The following MANSC1 variants were observed in gnomAD, a reference collection of about 807,000 sequenced individuals.
The protein encoded by MANSC1 is MANSC domain-containing protein 1.
In MANSC1, 13 loss-of-function variants were observed where a neutral mutation model predicts 14.1. The observed-to-expected ratio is 0.92, with a 90% CI of 0.60 to 1.46. MANSC1 has a LOEUF of 1.46. MANSC1 is among the 40% of genes most tolerant of loss of function. The probability of loss-of-function intolerance (pLI) is 0.00; values close to 1 mark genes in which losing one functional copy is unlikely to be tolerated. For synonymous variants in MANSC1, 227 were observed against 200.7 expected, an observed-to-expected ratio of 1.13 and a Z score of -1.11; for missense variants, 486 against 511.4, an observed-to-expected ratio of 0.95 and a Z score of 0.48.
intron 1 of MANSC1, chr12:12,348,201 C>T (rs911060319): frequency 2.6e-5 from 4 of 152,178 alleles, no homozygotes; most frequent in African/African-American, 9.7e-5. Flanking sequence ...CAATTGTCCT[C>T]CTATGTATTC....
intron 1 of MANSC1, among the ~76,000 whole-genome samples, chr12:12,347,543 C>T (rs1309607339): frequency 6.6e-6 from 1 of 152,160 alleles, no homozygotes; most frequent in Non-Finnish European, 1.5e-5. Context: ...CCAAAATATA[C>T]AAAGAACTCA....
In MANSC1 at chr12:12,343,390, G is replaced by A. The variant is rs79371087; in HGVS notation, c.-76C>T. 550 of 953,486 alleles carry A rather than the reference G, an allele frequency of 5.8e-4. 2 individuals are homozygous for A. In the African/African-American group the frequency reaches 8.1e-3, roughly 14 times the overall value. 59.1% of individuals were successfully genotyped at this position (953,486 alleles called of 1,614,324 possible). ...TCTGGTCTTAGTTTGCTTTAAGAAG[G>A]CTGCACAGATGATGAGATTTCTCTC... is the stretch of plus-strand genomic sequence containing the variant. On this transcript the variant is annotated 5_prime_UTR_variant, in exon 2 of 4. Transcript: ENST00000535902.
chr12:12,335,656 C>T (rs966496433), intron 3 of MANSC1, among the ~76,000 whole-genome samples: 3 of 151,324 alleles, frequency 2.0e-5, no homozygotes, highest in Non-Finnish European at 4.4e-5. Context: ...CCAGCCTGGC[C>T]AACATGGCGA....
chr12:12,338,252 T>C (rs556984948), intron 3 of MANSC1, among the ~76,000 whole-genome samples, 168 bp downstream of exon 3: 35 of 152,348 alleles, frequency 2.3e-4, no homozygotes, highest in Non-Finnish European at 4.3e-4. Flanking sequence ...ATGGCTTTCA[T>C]TGGAAATCAA....
intron 1 of MANSC1, among the ~76,000 whole-genome samples, chr12:12,344,495 CAG>C (rs1862978694): frequency 6.8e-6 from 1 of 147,422 alleles, no homozygotes; most frequent in Non-Finnish European, 1.5e-5. Context: ...TTTTTTGAGA[CAG>C]AGTATTGCTG....
chr12:12,336,704 T>G (rs1352095859), intron 3 of MANSC1, among the ~76,000 whole-genome samples: 1 of 152,078 alleles, frequency 6.6e-6, no homozygotes. Context: ...TTTTTTTAAT[T>G]TTTTGTGGAT....
chr12:12,342,576 GTTTTTTTGTTTTT>G (rs1209719353), intron 2 of MANSC1, among the ~76,000 whole-genome samples: 13 of 103,996 alleles, frequency 1.3e-4, no homozygotes, highest in African/African-American at 4.6e-4. Context: ...AGTAGTCAGT[GTTTTTTTGTTTTT>G]TTTTTTTTTT....
intron 3 of MANSC1, among the ~76,000 whole-genome samples, chr12:12,331,789 C>T (rs897780828): frequency 1.3e-5 from 2 of 152,042 alleles, no homozygotes; most frequent in South Asian, 2.1e-4. Flanking sequence ...ACAGCAACAA[C>T]GACAACAAAA....
chr12:12,336,637 C>T (rs559949196), intron 3 of MANSC1, among the ~76,000 whole-genome samples: 2 of 152,174 alleles, frequency 1.3e-5, no homozygotes, highest in East Asian at 1.9e-4. Context: ...AGGAATTCTC[C>T]TGCCTTGGCC....
intron 3 of MANSC1, among the ~76,000 whole-genome samples, chr12:12,336,421 T>C (rs1187815314): frequency 6.6e-6 from 1 of 152,246 alleles, no homozygotes; most frequent in Non-Finnish European, 1.5e-5. Context: ...CCGTCCTGTC[T>C]CAATTCTGTG....
intron 2 of MANSC1, among the ~76,000 whole-genome samples, 194 bp downstream of exon 2, chr12:12,342,898 T>C (rs555841785): frequency 5.3e-5 from 8 of 152,168 alleles, no homozygotes; most frequent in Non-Finnish European, 1.0e-4. Flanking sequence ...GAGGGATATA[T>C]ACATACATTC....
At position 12,338,536 on chromosome 12, in the gene MANSC1, A is replaced by T. The variant is rs1375550800; in HGVS notation, c.248T>A (p.Ile83Asn). ...ISGDKACNLM[I>N]FDTRKTARQP... Reference sequence around the variant, plus strand: ...TCTAGCTGTTTTTCGAGTGTCGAAGATCATCAAGTTACATGCTTTGTCCCC... The same window carrying T: ...TCTAGCTGTTTTTCGAGTGTCGAAGTTCATCAAGTTACATGCTTTGTCCCC... The change falls in exon 3 of 4, where the codon ATC (isoleucine) becomes AAC (asparagine). Residue 83 changes from isoleucine (I) to asparagine (N), a missense_variant. Transcript: ENST00000535902. 10 of 1,613,094 alleles carry T rather than the reference A, an allele frequency of 6.2e-6. No homozygotes were observed. The highest frequency in any genetic ancestry group is 8.5e-6 in the Non-Finnish European group (10 of 1,179,848).
intron 2 of MANSC1, 168 bp from the exon 3 acceptor site, chr12:12,338,728 T>C: frequency 1.5e-6 from 1 of 651,738 alleles, no homozygotes; most frequent in South Asian, 2.1e-5. Flanking sequence ...CTTAGTTGCT[T>C]AAGGCAATTT....
chr12:12,343,775 G>A (rs923690888), intron 1 of MANSC1, among the ~76,000 whole-genome samples: 3 of 152,168 alleles, frequency 2.0e-5, no homozygotes, highest in African/African-American at 7.2e-5. Context: ...TAATAGGTTT[G>A]AGCATATTTC....
intron 3 of MANSC1, among the ~76,000 whole-genome samples, chr12:12,332,533 T>C (rs1344493344): frequency 6.6e-6 from 1 of 152,200 alleles, no homozygotes; most frequent in African/African-American, 2.4e-5. Flanking sequence ...AATTTTTATT[T>C]GTTTTGAGAC....
chr12:12,345,794 CAT>C (rs1468602461), intron 1 of MANSC1, among the ~76,000 whole-genome samples: 1 of 152,196 alleles, frequency 6.6e-6, no homozygotes, highest in East Asian at 1.9e-4. Flanking sequence ...TTTTGTGAGA[CAT>C]ATTTAAAAAT....
At chr12:12,341,525 A>G (rs1203561789) in intron 2 of MANSC1, among the ~76,000 whole-genome samples, 2 of 152,324 alleles carry the variant, frequency 1.3e-5, no homozygotes, top group South Asian at 2.1e-4. Flanking sequence ...AAACTCAAGT[A>G]TAGTTGAAAG....
At chr12:12,346,664 CA>C (rs952324478) in intron 1 of MANSC1, among the ~76,000 whole-genome samples, 1 of 152,078 alleles carries the variant, frequency 6.6e-6, no homozygotes, top group Non-Finnish European at 1.5e-5. Flanking sequence ...TATCCATTTG[CA>C]AAAATGAATA....
chr12:12,345,007 C>T (rs1285314031), intron 1 of MANSC1, among the ~76,000 whole-genome samples: 2 of 122,682 alleles, frequency 1.6e-5, no homozygotes, highest in Non-Finnish European at 3.3e-5. Flanking sequence ...CTGACTAATA[C>T]AACAACCTTG....
Sources: gnomAD v4.1 joint callset for allele counts (sites outside exome capture counted in the v4.1 genomes callset) on GRCh38, gnomAD v4.1.1 for gene constraint, MANE v1.5 for transcripts, NCBI Gene and HGNC (gene_info 2026-07-23, HGNC 2026-07-21) for gene names.